Variants in KRT75 observed in about 807,000 individuals in gnomAD.
The protein encoded by KRT75 is keratin, type II cytoskeletal 75.
KRT75 carries 35 observed loss-of-function variants against 48.8 expected under a neutral mutation model. The observed-to-expected ratio is 0.72, with a 90% CI of 0.55 to 0.95. The LOEUF (loss-of-function observed/expected upper bound fraction) is 0.95. Among genes scored for constraint, KRT75 ranks in the 40% least tolerant of loss-of-function variants. The pLI is 0.00. For missense variants in KRT75, 776 were observed against 709.9 expected (o/e 1.09, Z -1.06); for synonymous variants, 301 against 282.3 (o/e 1.07, Z -0.66).
At chr12:52,425,161 C>T (rs1446769369) in intron 8 of KRT75, among the ~76,000 whole-genome samples, 1 of 152,180 alleles carries the variant, frequency 6.6e-6, no homozygotes, top group Non-Finnish European at 1.5e-5. Flanking sequence ...CCCAGCCCCA[C>T]ACTCAGAATC....
At chr12:52,425,245 G>A (rs146571444) in intron 8 of KRT75, among the ~76,000 whole-genome samples, 2 of 152,240 alleles carry the variant, frequency 1.3e-5, no homozygotes, top group South Asian at 2.1e-4. Flanking sequence ...CTCTGCCCCC[G>A]TTCTCCTCCC....
At position 52,433,028 on chromosome 12, in the gene KRT75, T is replaced by G. The variant is rs373983015; in HGVS notation, c.713+10A>C. The G allele has an allele frequency of 5.8e-5, 94 of 1,613,470 alleles. No homozygotes were observed. The highest frequency in any genetic ancestry group is 7.3e-5 in the Non-Finnish European group (86 of 1,179,768). ...GGCTGTGTGTGGCCAGAAGCCAGTC[T>G]CCCACTTACCTGACTTTGAAATCTT... On this transcript the variant is annotated intron_variant, in intron 2 of 8. Coordinates refer to ENST00000252245, the MANE Select transcript of KRT75 (RefSeq NM_004693.3).
intron 8 of KRT75, 88 bp from the exon 9 acceptor site, chr12:52,424,843 G>T: frequency 9.3e-7 from 1 of 1,074,178 alleles, no homozygotes; most frequent in Non-Finnish European, 1.4e-6. Context: ...GAGTCCTTGG[G>T]TGGGGAGGGG....
rs1322124902 is a variant in KRT75, at chr12:52,434,137, G to A, written c.168C>T (p.Ser56=). ...GGTTGTAGAGGCTGCGGCTTCCAAAGCTGGCCCCAGCACTGCTGATCCTTC... is the reference window on the plus strand; with the variant it reads ...GGTTGTAGAGGCTGCGGCTTCCAAAACTGGCCCCAGCACTGCTGATCCTTC... ...GLGRISSAGA[S]FGSRSLYNLG... Residue 56 remains serine, a synonymous_variant, in exon 1 of 9, where the codon AGC becomes AGT. Transcript: ENST00000252245. 3 of 1,614,046 alleles carry A rather than the reference G, an allele frequency of 1.9e-6. No individual in the cohort carries two copies. Among genetic ancestry groups the A allele is most frequent in the Non-Finnish European group, 2.5e-6 (3 of 1,180,016 alleles).
chr12:52,433,225 C>A lies in KRT75; in HGVS notation c.526G>T (p.Val176Phe). ...KVRFLEQQNK[V>F]LETKWALLQE... ...AGGAGGGCCCACTTGGTCTCCAGGA[C>A]CTTGTTCTGCTGCTCCAAGAACCTC... The change falls in exon 2 of 9, where the codon GTC (valine) becomes TTC (phenylalanine). Residue 176 changes from valine (V) to phenylalanine (F), a missense_variant. Physicochemically the swap from Val to Phe is conservative, Grantham distance 50. Transcript: ENST00000252245. 1 of 1,614,018 alleles carries A rather than the reference C, an allele frequency of 6.2e-7. No homozygotes were observed. Among genetic ancestry groups the A allele is most frequent in the Non-Finnish European group, 8.5e-7 (1 of 1,180,014 alleles).
intron 1 of KRT75, 72 bp from the exon 2 acceptor site, chr12:52,433,324 G>A (rs1320712937): frequency 7.9e-7 from 1 of 1,269,606 alleles, no homozygotes; most frequent in Non-Finnish European, 1.1e-6. Context: ...ATTAATAAGG[G>A]AGAGAAGAAA....
At chr12:52,430,005 C>T (rs2121512758) in intron 5 of KRT75, among the ~76,000 whole-genome samples, 1 of 152,306 alleles carries the variant, frequency 6.6e-6, no homozygotes, top group South Asian at 2.1e-4. Context: ...CCTTAAACCT[C>T]TCCCCACTCC....
chr12:52,431,996 C>A lies in KRT75; in HGVS notation c.774+10G>T. The A allele has an allele frequency of 6.2e-7, 1 of 1,613,816 alleles. No individual in the cohort carries two copies. On this transcript the variant is annotated intron_variant, in intron 3 of 8. Transcript: ENST00000252245. ...AAACCTTCTCCTTTGAGAGAAACAT[C>A]CCCACTCACCTTTTTCAGGGCTACA...
intron 4 of KRT75, 91 bp downstream of exon 4, chr12:52,431,452 G>A (rs1940142766): frequency 2.0e-6 from 2 of 989,694 alleles, no homozygotes; most frequent in Admixed American, 3.5e-5. Flanking sequence ...ATGCTGGGCA[G>A]AGGCACTGAA....
At position 52,430,579 on chromosome 12, in the gene KRT75, G is replaced by C. The variant is rs2232396; in HGVS notation, c.997C>G (p.Arg333Gly). 3.7e-6 allele frequency: 6 copies of C among 1,614,114 alleles called. No individual in the cohort carries two copies. Among genetic ancestry groups the C allele is most frequent in the Middle Eastern group, 1.6e-4 (1 of 6,062 alleles). ...VKAQYEDIAN[R>G]SRAEAESWYQ... ...CAGGACTCAGCCTCGGCCCGGCTGC[G>C]GTTGGCAATGTCCTCGTATTGTGCT... Residue 333 changes from arginine (R) to glycine (G), a missense_variant, in exon 5 of 9, where the codon CGC becomes GGC. Transcript: ENST00000252245.
At chr12:52,431,696 A>C in intron 3 of KRT75, 58 bp from the exon 4 acceptor site, 1 of 1,279,140 alleles carries the variant, frequency 7.8e-7, no homozygotes, top group Non-Finnish European at 1.1e-6. Context: ...TCTAGTCCAA[A>C]AGAAGCTGAG....
intron 5 of KRT75, among the ~76,000 whole-genome samples, chr12:52,429,068 G>A (rs941934820): frequency 1.3e-5 from 2 of 152,148 alleles, no homozygotes; most frequent in Admixed American, 6.5e-5. Context: ...CTTGAACTGT[G>A]GTCTGAAGGA....
intron 7 of KRT75, 104 bp from the exon 8 acceptor site, chr12:52,426,955 C>T: frequency 1.0e-6 from 1 of 970,878 alleles, no homozygotes; most frequent in Non-Finnish European, 1.6e-6. Context: ...TTTAAACATA[C>T]TTTATTATTT....
intron 8 of KRT75, 138 bp downstream of exon 8, chr12:52,426,679 C>T: frequency 1.1e-6 from 1 of 923,414 alleles, no homozygotes. Context: ...GACCCAAAAC[C>T]TCAAACCTTC....
At chr12:52,424,841 G>A (rs1043463875) in intron 8 of KRT75, 86 bp from the exon 9 acceptor site, 2 of 1,074,810 alleles carry the variant, frequency 1.9e-6, no homozygotes, top group African/African-American at 3.1e-5. Flanking sequence ...TGGAGTCCTT[G>A]GGTGGGGAGG....
At chr12:52,431,716 C>T (rs530607417) in intron 3 of KRT75, 78 bp from the exon 4 acceptor site, 1 of 1,131,236 alleles carries the variant, frequency 8.8e-7, no homozygotes, top group Admixed American at 1.7e-5. Context: ...GCAGATTTCT[C>T]CCCAGCCCAT....
rs1202603790 is a variant in KRT75 at position 52,426,884 on chromosome 12, C to A, written c.1383-33G>T. ...GGAAGAGCAGGGAGAAGGAAGGTTACCAATGTGGCCAGCAGCTTAAGGGCC... is the reference window on the plus strand; with the variant it reads ...GGAAGAGCAGGGAGAAGGAAGGTTAACAATGTGGCCAGCAGCTTAAGGGCC... On this transcript the variant is annotated intron_variant, in intron 7 of 8. Transcript: ENST00000252245. 4 of 1,608,380 alleles carry A rather than the reference C, an allele frequency of 2.5e-6. No individual in the cohort carries two copies. In the South Asian group the frequency reaches 4.4e-5, roughly 18 times the overall value.
chr12:52,433,899 G>C lies in KRT75; in HGVS notation c.406C>G (p.Leu136Val), dbSNP rs776445036. ...CGCTGGATGGTGGGGTCGATTTGCA[G>C]GTGAAGAGGAGTCAGGAGACTCTGG... Reference protein sequence around the residue: ...VNQSLLTPLHLQIDPTIQRVR... With the variant: ...VNQSLLTPLHVQIDPTIQRVR... The change falls in exon 1 of 9, where the codon CTG becomes GTG. Residue 136 changes from leucine to valine, a missense_variant. By Grantham distance (32) the Leu-to-Val change is conservative. Coordinates refer to ENST00000252245, the MANE Select transcript of KRT75 (RefSeq NM_004693.3). 1.2e-6 allele frequency: 2 copies of C among 1,614,212 alleles called. No individual in the cohort carries two copies. The highest frequency in any genetic ancestry group is 1.7e-6 in the Non-Finnish European group (2 of 1,180,034).
intron 8 of KRT75, among the ~76,000 whole-genome samples, chr12:52,425,638 G>A (rs912290171): frequency 6.6e-6 from 1 of 152,166 alleles, no homozygotes; most frequent in African/African-American, 2.4e-5. Flanking sequence ...GATGGCCACC[G>A]CCAGAGCTAG....
Sources: gnomAD v4.1 joint callset for allele counts (sites outside exome capture counted in the v4.1 genomes callset) on GRCh38, gnomAD v4.1.1 for gene constraint, MANE v1.5 for transcripts, NCBI Gene and HGNC (gene_info 2026-07-23, HGNC 2026-07-21) for gene names.